Variants in PLCXD3 observed in about 807,000 individuals in gnomAD.
The protein encoded by PLCXD3 is phosphatidylinositol specific phospholipase C X domain containing 3.
A neutral mutation model predicts 25.5 loss-of-function variants in PLCXD3; 19 were observed. The ratio of observed to expected loss-of-function variants is 0.75; its 90% CI spans 0.52 to 1.09. The LOEUF (loss-of-function observed/expected upper bound fraction) is 1.09, where lower values mean the gene tolerates loss of function less well. Among genes scored for constraint, PLCXD3 ranks in the 50% least tolerant of loss-of-function variants. The pLI is 0.00. For missense variants in PLCXD3, 411 were observed against 388.1 expected (o/e 1.06, Z -0.50); for synonymous variants, 174 against 137.6 (o/e 1.26, Z -1.85).
chr5:41,345,644 T>C (rs1478192905), intron 2 of PLCXD3, among the ~76,000 whole-genome samples: 1 of 151,732 alleles, frequency 6.6e-6, no homozygotes, highest in African/African-American at 2.4e-5. Context: ...TTATTTACCA[T>C]GTTTCATCCT....
At chr5:41,403,899 T>C (rs1454117809) in intron 1 of PLCXD3, among the ~76,000 whole-genome samples, 1 of 151,958 alleles carries the variant, frequency 6.6e-6, no homozygotes, top group East Asian at 2.0e-4. Flanking sequence ...GCATGATTTA[T>C]AGTCCTTTGG....
At chr5:41,383,650 A>G (rs1201286307) in intron 1 of PLCXD3, among the ~76,000 whole-genome samples, 1 of 152,030 alleles carries the variant, frequency 6.6e-6, no homozygotes, top group Non-Finnish European at 1.5e-5. Context: ...TCCTAGTACC[A>G]TCATTCCCTA....
At position 41,313,249 on chromosome 5, in the gene PLCXD3, G is replaced by C. The variant is rs1743189364; in HGVS notation, c.*368C>G. On this transcript the variant is annotated 3_prime_UTR_variant, in exon 3 of 3. Coordinates refer to ENST00000377801, the MANE Select transcript of PLCXD3 (RefSeq NM_001005473.3). ...GATTAAAAAGAGCGAGCAAGAGAGG[G>C]AGCAGAAAGGTTGCAGGGTATAGAC... 11 of 182,098 alleles carry C rather than the reference G, an allele frequency of 6.0e-5. No homozygotes were observed. The South Asian group carries it at 1.2e-3, about 20-fold the overall frequency. The allele number at this position is 182,098 out of a possible 1,614,324, so 11.3% of individuals were successfully genotyped here. A position where few individuals can be genotyped will look rare whatever the true frequency, so the allele number is the denominator to read the frequency against.
At chr5:41,314,683 A>G (rs1320647444) in intron 2 of PLCXD3, among the ~76,000 whole-genome samples, 1 of 152,202 alleles carries the variant, frequency 6.6e-6, no homozygotes, top group Non-Finnish European at 1.5e-5. Context: ...ATGGGGTAGC[A>G]TGCTTAAGCT....
chr5:41,475,988 T>C (rs1275244839), intron 1 of PLCXD3, among the ~76,000 whole-genome samples: 1 of 152,226 alleles, frequency 6.6e-6, no homozygotes, highest in Non-Finnish European at 1.5e-5. Flanking sequence ...GAGGTAACAA[T>C]TGGTCAGCTG....
chr5:41,465,035 A>AT (rs1191723872), intron 1 of PLCXD3, among the ~76,000 whole-genome samples: 1 of 151,956 alleles, frequency 6.6e-6, no homozygotes, highest in African/African-American at 2.4e-5. Context: ...TCAACTGTAC[A>AT]TTTTTTGGGG....
At chr5:41,448,185 CT>C (rs1747549261) in intron 1 of PLCXD3, among the ~76,000 whole-genome samples, 1 of 152,162 alleles carries the variant, frequency 6.6e-6, no homozygotes, top group Non-Finnish European at 1.5e-5. Flanking sequence ...ACAAGATGCT[CT>C]TGACTGGGAC....
chr5:41,384,366 CTACAGA>C (rs1207772606), intron 1 of PLCXD3, among the ~76,000 whole-genome samples: 1 of 151,776 alleles, frequency 6.6e-6, no homozygotes, highest in Non-Finnish European at 1.5e-5. Flanking sequence ...AGAAGTGTGT[CTACAGA>C]TAGAAATGAA....
intron 2 of PLCXD3, among the ~76,000 whole-genome samples, chr5:41,347,933 C>T (rs1351795400): frequency 1.3e-5 from 2 of 152,206 alleles, no homozygotes; most frequent in Non-Finnish European, 2.9e-5. Flanking sequence ...CTGAATCAGT[C>T]TCTGTCATAG....
At chr5:41,398,834 A>G (rs1746089120) in intron 1 of PLCXD3, among the ~76,000 whole-genome samples, 1 of 152,326 alleles carries the variant, frequency 6.6e-6, no homozygotes, top group East Asian at 1.9e-4. Flanking sequence ...GTTATTCAAC[A>G]TACTACTGGA....
chr5:41,453,524 T>C (rs1305005341), intron 1 of PLCXD3, among the ~76,000 whole-genome samples: 1 of 151,990 alleles, frequency 6.6e-6, no homozygotes, highest in Non-Finnish European at 1.5e-5. Flanking sequence ...TGACTCACTA[T>C]ATAAACATTT....
At chr5:41,365,838 T>C (rs1744919171) in intron 2 of PLCXD3, among the ~76,000 whole-genome samples, 1 of 152,112 alleles carries the variant, frequency 6.6e-6, no homozygotes, top group African/African-American at 2.4e-5. Flanking sequence ...TCACTTGAAA[T>C]ATCTCAAGCG....
chr5:41,478,490 A>G (rs1300169931), intron 1 of PLCXD3, among the ~76,000 whole-genome samples: 1 of 152,230 alleles, frequency 6.6e-6, no homozygotes, highest in African/African-American at 2.4e-5. Flanking sequence ...AACATCATTA[A>G]TAAGTTGAAA....
intron 1 of PLCXD3, among the ~76,000 whole-genome samples, chr5:41,468,217 T>C (rs1476822866): frequency 2.0e-5 from 3 of 151,728 alleles, no homozygotes; most frequent in Non-Finnish European, 4.4e-5. Context: ...AGGGTTTTAC[T>C]ATGTTGGCTA....
At chr5:41,445,327 T>A (rs148532664) in intron 1 of PLCXD3, among the ~76,000 whole-genome samples, 1 of 152,224 alleles carries the variant, frequency 6.6e-6, no homozygotes, top group Non-Finnish European at 1.5e-5. Flanking sequence ...ATAAGTCAGA[T>A]CTTCCTGGCT....
chr5:41,419,335 C>T (rs1246718680), intron 1 of PLCXD3, among the ~76,000 whole-genome samples: 1 of 152,088 alleles, frequency 6.6e-6, no homozygotes, highest in Non-Finnish European at 1.5e-5. Flanking sequence ...CAAAAAAATA[C>T]TATACAAGAC....
intron 1 of PLCXD3, among the ~76,000 whole-genome samples, chr5:41,473,499 C>A (rs187178463): frequency 1.3e-4 from 20 of 152,020 alleles, no homozygotes; most frequent in African/African-American, 4.8e-4. Context: ...ACGAGTCTTT[C>A]TCTGTTGCCC....
intron 1 of PLCXD3, among the ~76,000 whole-genome samples, chr5:41,491,763 C>CT (rs999951748): frequency 2.0e-5 from 3 of 151,830 alleles, no homozygotes; most frequent in East Asian, 1.9e-4. Flanking sequence ...CAACCCCTGC[C>CT]TTTTTTTGTT....
intron 1 of PLCXD3, among the ~76,000 whole-genome samples, chr5:41,477,086 A>C (rs1748299385): frequency 6.6e-6 from 1 of 152,152 alleles, no homozygotes; most frequent in African/African-American, 2.4e-5. Flanking sequence ...TCCTGAAAAA[A>C]TTCCCTTAAT....
Sources: gnomAD v4.1 joint callset for allele counts (sites outside exome capture counted in the v4.1 genomes callset) on GRCh38, gnomAD v4.1.1 for gene constraint, MANE v1.5 for transcripts, NCBI Gene and HGNC (gene_info 2026-07-23, HGNC 2026-07-21) for gene names.